The following TECPR1 variants were observed in gnomAD, a reference collection of about 807,000 sequenced individuals.
TECPR1 encodes the protein tectonin beta-propeller repeat-containing protein 1.
TECPR1 carries 122 observed loss-of-function variants against 162.4 expected under a neutral mutation model. That is an observed-to-expected ratio of 0.75 (90% CI 0.65 to 0.87). The LOEUF (loss-of-function observed/expected upper bound fraction) is 0.87. TECPR1 is among the 40% of genes least tolerant of loss of function. TECPR1 has a pLI of 0.00. For missense variants in TECPR1, 1,432 were observed against 1,618.2 expected, an observed-to-expected ratio of 0.88 and a Z score of 1.97; for synonymous variants, 642 against 670.6, an observed-to-expected ratio of 0.96 and a Z score of 0.66.
rs1798499953 is a variant in TECPR1, at chr7:98,233,357, C to T, written c.1672+64G>A. ...GAGCCCCCTGACCCCGGCCTCCTCC[C>T]ACACCCCACACCCCCAGGGCACCTG... is the stretch of plus-strand genomic sequence containing the variant. On this transcript the variant is annotated intron_variant, in intron 11 of 25. Transcript: ENST00000447648. 2.4e-5 allele frequency: 34 copies of T among 1,398,516 alleles called. 2 individuals are homozygous for T. In the South Asian group the frequency reaches 6.0e-4, roughly 24 times the overall value. 86.6% of individuals were successfully genotyped at this position (1,398,516 alleles called of 1,614,324 possible). A position where few individuals can be genotyped will look rare whatever the true frequency, so the allele number is the denominator to read the frequency against.
Position 98,231,796 on chromosome 7 carries a change from G to C in TECPR1, c.1974+8C>G, listed in dbSNP as rs760840677. ...CCTGGCCCCATCTCCTGTGGGACCC[G>C]TGGGCACCTTCTTCTCCTCGTGGAC... On this transcript the variant is annotated splice_region_variant and intron_variant, in intron 13 of 25. Coordinates refer to ENST00000447648, the MANE Select transcript of TECPR1 (RefSeq NM_015395.3). The C allele has an allele frequency of 1.9e-6, 3 of 1,608,864 alleles. No homozygotes were observed. Among genetic ancestry groups the C allele is most frequent in the Non-Finnish European group, 2.5e-6 (3 of 1,177,258 alleles).
chr7:98,239,886 G>A (rs575146412), intron 8 of TECPR1, among the ~76,000 whole-genome samples: 9 of 152,176 alleles, frequency 5.9e-5, no homozygotes, highest in East Asian at 3.9e-4. Context: ...TGAGGCGGGC[G>A]GATCATGAGG....
chr7:98,241,954 C>T lies in TECPR1; in HGVS notation c.658-710G>A, dbSNP rs1455002464. Among the ~76,000 whole-genome samples, 1 of 152,208 alleles carries T rather than the reference C, an allele frequency of 6.6e-6. No homozygotes were observed. Among genetic ancestry groups the T allele is most frequent in the Non-Finnish European group, 1.5e-5 (1 of 68,020 alleles). On this transcript the variant is annotated intron_variant, in intron 6 of 25. Transcript: ENST00000447648. The surrounding 1 kb of genome is among the most constrained non-coding windows in gnomAD (Gnocchi z 5.0). ...ACAGGTGTGGTGCAGGCAGCACCAG[C>T]TCACGGCCGACATTCCAGGACACAA...
intron 17 of TECPR1, 77 bp downstream of exon 17, chr7:98,227,937 G>A: frequency 1.7e-6 from 2 of 1,203,074 alleles, no homozygotes; most frequent in African/African-American, 3.0e-5. Context: ...ACGCTACGGT[G>A]GATGTTGCTG....
At position 98,232,025 on chromosome 7, in the gene TECPR1, G is replaced by A. The variant is rs769820581; in HGVS notation, c.1819-66C>T. On this transcript the variant is annotated intron_variant, in intron 12 of 25. Coordinates refer to ENST00000447648, the MANE Select transcript of TECPR1 (RefSeq NM_015395.3). This position sits in a 1 kb window ranked among gnomAD's most constrained non-coding sequence, Gnocchi z 4.6. ...CGGGGTGCCAGGGGAGGAGGGCGGG[G>A]CTGGGGGTGCCCAGAGGAGGAGGCA... 71 of 1,517,212 alleles carry A rather than the reference G, an allele frequency of 4.7e-5. No homozygotes were observed. Among genetic ancestry groups the A allele is most frequent in the Non-Finnish European group, 5.9e-5 (67 of 1,130,694 alleles). The allele number at this position is 1,517,212 out of a possible 1,614,324, so 94.0% of individuals were successfully genotyped here.
intron 16 of TECPR1, 38 bp downstream of exon 16, chr7:98,229,001 C>A (rs1273277763): frequency 6.3e-7 from 1 of 1,586,850 alleles, no homozygotes; most frequent in East Asian, 2.3e-5. Context: ...GGAAAGAACG[C>A]CCAGGAAGGC....
rs769820581 is a variant in TECPR1, at chr7:98,232,025, G to C, written c.1819-66C>G. 3 of 1,517,096 alleles carry C rather than the reference G, an allele frequency of 2.0e-6. No individual in the cohort carries two copies. Among genetic ancestry groups the C allele is most frequent in the Non-Finnish European group, 2.7e-6 (3 of 1,130,702 alleles). The allele number at this position is 1,517,096 out of a possible 1,614,324, so 94.0% of individuals were successfully genotyped here. A position where few individuals can be genotyped will look rare whatever the true frequency, so the allele number is the denominator to read the frequency against. On this transcript the variant is annotated intron_variant, in intron 12 of 25. Coordinates refer to ENST00000447648, the MANE Select transcript of TECPR1 (RefSeq NM_015395.3). This position sits in a 1 kb window ranked among gnomAD's most constrained non-coding sequence, Gnocchi z 4.6. ...CGGGGTGCCAGGGGAGGAGGGCGGG[G>C]CTGGGGGTGCCCAGAGGAGGAGGCA...
rs1297304924 is a variant in TECPR1 at position 98,231,067 on chromosome 7, G to A, written c.2176C>T (p.Pro726Ser). ...CCESRKVQGR[P>S]SPQAIWSITC... ...ATGGACCAGATGGCCTGCGGGGACG[G>A]GCGGCCCTGCACCTTCCGGCTCTCG... Residue 726 changes from proline (P) to serine (S), a missense_variant, in exon 15 of 26, where the codon CCG becomes TCG. Pro to Ser is a moderately conservative substitution (Grantham distance 74, BLOSUM62 -1). Transcript: ENST00000447648. The A allele has an allele frequency of 6.2e-7, 1 of 1,609,616 alleles. No homozygotes were observed. The highest frequency in any genetic ancestry group is 1.7e-5 in the Admixed American group (1 of 59,474).
At position 98,250,682 on chromosome 7, in the gene TECPR1, T is replaced by A. The variant is rs938233011; in HGVS notation, c.-20+712A>T. On this transcript the variant is annotated intron_variant, in intron 2 of 25. Transcript: ENST00000447648. ...AACAACAACAACAACAAAACAAAGA[T>A]AGCTCAGAATTCACTGGATAAGCAA... Among the ~76,000 whole-genome samples the A allele has an allele frequency of 3.8e-4, 58 of 152,136 alleles. 1 individual carries two copies. Among genetic ancestry groups the A allele is most frequent in the Admixed American group, 3.7e-3 (56 of 15,262 alleles).
In TECPR1 at chr7:98,215,958, C is replaced by CACAGTTTTGT; in HGVS notation, c.*1431_*1432insACAAAACTGT. The CACAGTTTTGT allele has an allele frequency of 6.6e-6, 1 of 152,380 alleles. No individual in the cohort carries two copies. Among genetic ancestry groups the CACAGTTTTGT allele is most frequent in the East Asian group, 1.9e-4 (1 of 5,172 alleles). 9.4% of individuals were successfully genotyped at this position (152,380 alleles called of 1,614,324 possible). On this transcript the variant is annotated 3_prime_UTR_variant, in exon 26 of 26. Transcript: ENST00000447648. ...CCCATACAGCAAAACTGTACAAATACACACAACGGACCCCCAGCTGACAGT... is the reference window on the plus strand; with the variant it reads ...CCCATACAGCAAAACTGTACAAATACACAGTTTTGTACACAACGGACCCCCAGCTGACAGT...
intron 2 of TECPR1, among the ~76,000 whole-genome samples, chr7:98,247,501 A>G (rs867715468): frequency 2.0e-5 from 3 of 152,104 alleles, no homozygotes; most frequent in Non-Finnish European, 4.4e-5. Flanking sequence ...CTCGAAAGAT[A>G]TAACTACCCC....
Position 98,233,643 on chromosome 7 carries a change from C to G in TECPR1, c.1450G>C (p.Glu484Gln). 1 of 1,590,308 alleles carries G rather than the reference C, an allele frequency of 6.3e-7. No individual in the cohort carries two copies. The highest frequency in any genetic ancestry group is 8.6e-7 in the Non-Finnish European group (1 of 1,167,042). Residue 484 changes from glutamate (E) to glutamine (Q), a missense_variant, in exon 11 of 26, where the codon GAG becomes CAG. By Grantham distance (29) the Glu-to-Gln change is conservative. Coordinates refer to ENST00000447648, the MANE Select transcript of TECPR1 (RefSeq NM_015395.3). ...AGGTCAATATTGGTCCAGGGCAGCT[C>G]GGCCGGGGTGGGGGCCGGGCCGGGG... is the stretch of plus-strand genomic sequence containing the variant. ...THPGPAPTPA[E>Q]LPWTNIDLKE...
intron 10 of TECPR1, among the ~76,000 whole-genome samples, chr7:98,234,780 AG>A (rs1347542851): frequency 2.1e-4 from 30 of 139,548 alleles, no homozygotes; most frequent in African/African-American, 6.5e-4. Context: ...ACGTGATCAT[AG>A]CTCACTGCAG....
At chr7:98,244,034 C>T (rs1322943618) in intron 5 of TECPR1, among the ~76,000 whole-genome samples, 1 of 152,132 alleles carries the variant, frequency 6.6e-6, no homozygotes, top group Non-Finnish European at 1.5e-5. Context: ...CTGCACTCAA[C>T]AGAGTGCAAC....
intron 11 of TECPR1, 50 bp downstream of exon 11, chr7:98,233,371 C>T: frequency 7.1e-7 from 1 of 1,413,904 alleles, no homozygotes; most frequent in Non-Finnish European, 9.2e-7. Context: ...CCCCACACCC[C>T]CAGGGCACCT....
rs745457034 is a variant in TECPR1 at position 98,217,205 on chromosome 7, G to A, written c.*185C>T. 74 of 582,564 alleles carry A rather than the reference G, an allele frequency of 1.3e-4. 1 individual carries two copies. The highest frequency in any genetic ancestry group is 1.7e-4 in the Non-Finnish European group (55 of 327,710). 36.1% of individuals were successfully genotyped at this position (582,564 alleles called of 1,614,324 possible). The stretch of plus-strand genomic sequence containing the variant: ...CGGGGACACGTGTGGGAGTGTCCGC[G>A]GAGCTTCACATTTCAGGGCCGTCTC... On this transcript the variant is annotated 3_prime_UTR_variant, in exon 26 of 26. Transcript: ENST00000447648.
intron 2 of TECPR1, among the ~76,000 whole-genome samples, chr7:98,246,831 C>G (rs922916849): frequency 1.3e-5 from 2 of 152,102 alleles, no homozygotes; most frequent in African/African-American, 4.8e-5. Flanking sequence ...GATCCACCTG[C>G]CTCTGCCTCC....
intron 10 of TECPR1, 21 bp downstream of exon 10, chr7:98,236,755 C>T: frequency 6.3e-7 from 1 of 1,589,992 alleles, no homozygotes; most frequent in Non-Finnish European, 8.5e-7. Flanking sequence ...GACTCCTGCG[C>T]ACCCTGCCAC....
chr7:98,229,206 C>T (rs1487039666), intron 15 of TECPR1, 40 bp from the exon 16 acceptor site: 7 of 1,539,104 alleles, frequency 4.5e-6, no homozygotes, highest in Admixed American at 2.0e-5. Flanking sequence ...CCCCTCAGAC[C>T]CCACCTTCCA....
Sources: allele counts gnomAD v4.1 joint callset (sites outside exome capture counted in the v4.1 genomes callset), GRCh38; gene constraint gnomAD v4.1.1; non-coding constraint Gnocchi (gnomAD v3.1); transcripts MANE v1.5; gene names NCBI Gene and HGNC (gene_info 2026-07-23, HGNC 2026-07-21).